The following ROS1 variants were observed in gnomAD, a reference collection of about 807,000 sequenced individuals.
The protein encoded by ROS1 is proto-oncogene tyrosine-protein kinase ROS.
Under a neutral mutation model 273.5 loss-of-function variants are expected in ROS1, and 263 were observed. The ratio of observed to expected loss-of-function variants is 0.96; its 90% confidence interval spans 0.87 to 1.06. ROS1 has a LOEUF of 1.06. Ranked by LOEUF, ROS1 falls within the 50% of genes least tolerant of loss-of-function variation. The pLI is 0.00. For missense variants in ROS1, 2,833 were observed against 2,751.1 expected (o/e 1.03, Z -0.67); for synonymous variants, 1,008 against 954.1 (o/e 1.06, Z -1.04).
rs765665085 is a variant in ROS1 at position 117,389,366 on chromosome 6, G to A, written c.1770C>T (p.Ala590=). The change falls in exon 13 of 44, where the codon GCC becomes GCT. Residue 590 remains alanine, a synonymous_variant. Coordinates refer to ENST00000368507, the MANE Select transcript of ROS1 (RefSeq NM_001378902.1). ...AGCACTCACTGGCTCCTATGGCAAGGGCAGGAGGCTTCCATTGAACAAGAG... is the reference window on the plus strand; with the variant it reads ...AGCACTCACTGGCTCCTATGGCAAGAGCAGGAGGCTTCCATTGAACAAGAG... The part of the protein sequence containing the change: ...HQALVQWKPP[A]LAIGASPSAW... 1.9e-6 allele frequency: 3 copies of A among 1,613,620 alleles called. No homozygotes were observed. The South Asian group carries it at 3.3e-5, about 18-fold the overall frequency.
intron 43 of ROS1, among the ~76,000 whole-genome samples, chr6:117,295,188 C>A (rs1190574923): frequency 6.6e-6 from 1 of 152,070 alleles, no homozygotes; most frequent in African/African-American, 2.4e-5. Flanking sequence ...AATTCACACA[C>A]CTACAGTGAA....
At chr6:117,354,309 C>T (rs987577726) in intron 26 of ROS1, among the ~76,000 whole-genome samples, 12 of 151,700 alleles carry the variant, frequency 7.9e-5, no homozygotes, top group African/African-American at 2.7e-4. Context: ...ACCATGATTG[C>T]ACCACTGCAC....
chr6:117,317,558 C>A (rs1182195325), intron 38 of ROS1, among the ~76,000 whole-genome samples: 1 of 152,068 alleles, frequency 6.6e-6, no homozygotes, highest in Non-Finnish European at 1.5e-5. Context: ...CTAGTAGCGT[C>A]CTTGAAAAGA....
intron 22 of ROS1, 128 bp from the exon 23 acceptor site, chr6:117,360,533 G>C (rs190716402): frequency 1.7e-6 from 1 of 585,932 alleles, no homozygotes; most frequent in Non-Finnish European, 3.0e-6. Context: ...GTTTCAAATA[G>C]TTATTGACAT....
chr6:117,425,143 C>T (rs1182750995), intron 1 of ROS1, among the ~76,000 whole-genome samples: 3 of 152,186 alleles, frequency 2.0e-5, no homozygotes, highest in Non-Finnish European at 1.5e-5. Context: ...CAGCTCCCTA[C>T]ACAGCTGGAA....
rs1166389096 is a variant in ROS1, at chr6:117,310,274, C to T, written c.6223G>A (p.Ala2075Thr). 1.9e-6 allele frequency: 3 copies of T among 1,603,546 alleles called. No individual in the cohort carries two copies. The highest frequency in any genetic ancestry group is 1.3e-5 in the African/African-American group (1 of 74,524). Reference protein sequence around the residue: ...ERMHFIHRDLAARNCLVSVKD... With the variant: ...ERMHFIHRDLTARNCLVSVKD... ...ACGGAAACAAGGCAATTTCTAGCTG[C>T]CAGATCCCTGTGGCAGAAGTTATAT... The change falls in exon 41 of 44, where the codon GCA becomes ACA. Residue 2075 changes from alanine (A) to threonine (T), a missense_variant. Physicochemically the swap from Ala to Thr is moderately conservative, Grantham distance 58. Coordinates refer to ENST00000368507, the MANE Select transcript of ROS1 (RefSeq NM_001378902.1).
intron 5 of ROS1, 127 bp from the exon 6 acceptor site, chr6:117,404,555 T>C: frequency 2.6e-6 from 2 of 759,704 alleles, no homozygotes; most frequent in Admixed American, 3.1e-5. Flanking sequence ...AATAACTCAC[T>C]TGAATAATCA....
chr6:117,373,429 CG>C (rs1781036258), intron 18 of ROS1, among the ~76,000 whole-genome samples: 1 of 152,250 alleles, frequency 6.6e-6, no homozygotes, highest in South Asian at 2.1e-4. Flanking sequence ...AGCCTTGCCC[CG>C]CAGGGAGGCG....
chr6:117,344,813 C>G (rs527580384), intron 27 of ROS1, among the ~76,000 whole-genome samples: 1 of 152,124 alleles, frequency 6.6e-6, no homozygotes, highest in Non-Finnish European at 1.5e-5. Context: ...CGCTTACAAC[C>G]AAACACCTTG....
intron 7 of ROS1, among the ~76,000 whole-genome samples, chr6:117,400,729 A>G (rs1380112051): frequency 6.6e-6 from 1 of 152,022 alleles, no homozygotes; most frequent in Non-Finnish European, 1.5e-5. Context: ...TCTTCTTCCC[A>G]GCCACCAAAT....
chr6:117,367,859 C>T (rs1299172000), intron 18 of ROS1, among the ~76,000 whole-genome samples: 1 of 152,056 alleles, frequency 6.6e-6, no homozygotes, highest in African/African-American at 2.4e-5. Flanking sequence ...CCCACCACCC[C>T]AAAATGAACA....
chr6:117,352,847 C>T, intron 27 of ROS1, 143 bp downstream of exon 27: 2 of 686,670 alleles, frequency 2.9e-6, no homozygotes, highest in Non-Finnish European at 4.8e-6. Context: ...AATCACAGTG[C>T]ACACAGAAGA....
Position 117,342,492 on chromosome 6 carries a change from T to C in ROS1, c.4559A>G (p.Tyr1520Cys), listed in dbSNP as rs925004365. The C allele has an allele frequency of 2.5e-6, 4 of 1,604,304 alleles. No homozygotes were observed. Among genetic ancestry groups the C allele is most frequent in the Non-Finnish European group, 3.4e-6 (4 of 1,172,258 alleles). ...LIEDLQPFST[Y>C]MIQIAVKNYY... is the part of the protein sequence containing the mutation. ...ATTTTTTACAGCTATCTGTATCATG[T>C]ATGTTGAAAATGGTTGTAAATCTTC... is the stretch of plus-strand genomic sequence containing the variant. Residue 1520 changes from tyrosine to cysteine, a missense_variant, in exon 29 of 44, where the codon TAC becomes TGC. By Grantham distance (194) the Tyr-to-Cys change is radical. Transcript: ENST00000368507.
chr6:117,398,273 CG>C (rs1773658000), intron 7 of ROS1, among the ~76,000 whole-genome samples: 2 of 139,376 alleles, frequency 1.4e-5, no homozygotes, highest in African/African-American at 6.2e-5. Context: ...TCTTCCCCAC[CG>C]AAAAAAAAAC....
chr6:117,397,954 T>G (rs1304516737), intron 7 of ROS1, among the ~76,000 whole-genome samples: 1 of 152,186 alleles, frequency 6.6e-6, no homozygotes, highest in Non-Finnish European at 1.5e-5. Context: ...TGAACACTTT[T>G]GGCAAATGCT....
At chr6:117,404,131 G>A (rs961326630) in intron 6 of ROS1, 149 bp downstream of exon 6, 4 of 695,904 alleles carry the variant, frequency 5.7e-6, no homozygotes, top group South Asian at 3.8e-5. Flanking sequence ...TGAGGCAGGA[G>A]AATGGTGTGA....
intron 4 of ROS1, among the ~76,000 whole-genome samples, chr6:117,411,567 C>G (rs1192731007): frequency 6.6e-6 from 1 of 152,088 alleles, no homozygotes; most frequent in African/African-American, 2.4e-5. Context: ...TCCCATCTTC[C>G]TCATCGTAGT....
intron 13 of ROS1, among the ~76,000 whole-genome samples, chr6:117,388,638 G>A (rs1367935849): frequency 6.6e-6 from 1 of 152,076 alleles, no homozygotes; most frequent in East Asian, 1.9e-4. Flanking sequence ...ACACTACAAC[G>A]ACATAATTGA....
rs3836983 is a variant in ROS1, at chr6:117,414,553, G to GAA, written c.229-10_229-9dup. The stretch of plus-strand genomic sequence containing the variant: ...GGTGGCATAAGTATCATTCTGCATA[G>GAA]AAAAAAAAAAAGACTACTTAAAATC... On this transcript the variant is annotated splice_polypyrimidine_tract_variant and intron_variant, in intron 3 of 43. Coordinates refer to ENST00000368507, the MANE Select transcript of ROS1 (RefSeq NM_001378902.1). The GAA allele has an allele frequency of 6.3e-5, 37 of 588,722 alleles. No individual in the cohort carries two copies. The highest frequency in any genetic ancestry group is 1.8e-4 in the Admixed American group (6 of 33,602). 36.5% of individuals were successfully genotyped at this position (588,722 alleles called of 1,614,324 possible).
Sources: gnomAD v4.1 joint callset for allele counts (sites outside exome capture counted in the v4.1 genomes callset) on GRCh38, gnomAD v4.1.1 for gene constraint, MANE v1.5 for transcripts, NCBI Gene and HGNC (gene_info 2026-07-23, HGNC 2026-07-21) for gene names.